Variants in NDST4 observed in about 807,000 individuals in gnomAD.
The protein encoded by NDST4 is N-heparan sulfate sulfotransferase 4.
NDST4 carries 63 observed loss-of-function variants against 100.8 expected under a neutral mutation model. That is an observed-to-expected ratio of 0.62 (90% CI 0.51 to 0.77). The LOEUF is 0.77. Among genes scored for constraint, NDST4 ranks in the 30% least tolerant of loss-of-function variants. The pLI is 0.00. For missense variants in NDST4, 943 were observed against 1,018.4 expected, an observed-to-expected ratio of 0.93 and a Z score of 1.01; for synonymous variants, 377 against 361.8, an observed-to-expected ratio of 1.04 and a Z score of -0.48.
chr4:114,973,344 T>G (rs6837725), intron 3 of NDST4, among the ~76,000 whole-genome samples: 1,666 of 151,726 alleles, frequency 0.011, 40 homozygotes, highest in African/African-American at 0.037. Context: ...ATTAGCACAT[T>G]TATTTTTCTG....
intron 4 of NDST4, among the ~76,000 whole-genome samples, chr4:114,958,708 C>T (rs1316274194): frequency 2.0e-5 from 3 of 152,094 alleles, no homozygotes; most frequent in Non-Finnish European, 4.4e-5. Context: ...GTACTGGAGA[C>T]GTTTTCCCCA....
chr4:115,071,135 T>TA (rs968781072), intron 2 of NDST4, among the ~76,000 whole-genome samples: 2 of 149,796 alleles, frequency 1.3e-5, no homozygotes, highest in African/African-American at 5.1e-5. Context: ...GAAAATAAAA[T>TA]AAAAAAATAA....
At chr4:114,837,620 C>A (rs1252515174) in intron 11 of NDST4, among the ~76,000 whole-genome samples, 3 of 152,078 alleles carry the variant, frequency 2.0e-5, no homozygotes, top group African/African-American at 4.8e-5. Context: ...AACTGGCTAG[C>A]CATATCCAGA....
intron 13 of NDST4, among the ~76,000 whole-genome samples, chr4:114,828,856 C>T (rs75765196): frequency 0.023 from 3,495 of 152,270 alleles, 99 homozygotes; most frequent in East Asian, 0.058. Context: ...ACTCCCTTAG[C>T]AACTTTTGTG....
intron 1 of NDST4, among the ~76,000 whole-genome samples, chr4:115,106,088 A>G (rs1446056228): frequency 6.6e-6 from 1 of 152,070 alleles, no homozygotes; most frequent in Non-Finnish European, 1.5e-5. Flanking sequence ...TTACATCATA[A>G]GGTAATAAGT....
At chr4:114,901,581 T>C (rs1054357725) in intron 6 of NDST4, among the ~76,000 whole-genome samples, 1 of 152,032 alleles carries the variant, frequency 6.6e-6, no homozygotes, top group African/African-American at 2.4e-5. Flanking sequence ...TTTTATCCAC[T>C]CTGACAATCT....
chr4:114,990,282 T>C (rs1054929086), intron 2 of NDST4, among the ~76,000 whole-genome samples: 5 of 152,140 alleles, frequency 3.3e-5, no homozygotes, highest in African/African-American at 1.2e-4. Flanking sequence ...CTAGCACTTT[T>C]ATTCCATTCA....
chr4:114,948,037 T>C (rs1367380788), intron 4 of NDST4, among the ~76,000 whole-genome samples: 3 of 152,126 alleles, frequency 2.0e-5, no homozygotes, highest in African/African-American at 7.2e-5. Flanking sequence ...TACAATTATA[T>C]ATAGCAGCTG....
intron 2 of NDST4, among the ~76,000 whole-genome samples, chr4:114,978,228 G>A (rs904836302): frequency 4.6e-5 from 7 of 151,912 alleles, no homozygotes; most frequent in Admixed American, 3.3e-4. Flanking sequence ...ACTGATTTTT[G>A]ATTACTCCTA....
intron 2 of NDST4, among the ~76,000 whole-genome samples, chr4:115,070,311 A>G (rs1441460260): frequency 2.0e-5 from 3 of 152,172 alleles, no homozygotes; most frequent in Non-Finnish European, 2.9e-5. Context: ...CTAATATGGA[A>G]ACAGAAAAGC....
intron 6 of NDST4, among the ~76,000 whole-genome samples, chr4:114,890,714 C>T (rs1297364340): frequency 6.6e-6 from 1 of 152,046 alleles, no homozygotes; most frequent in African/African-American, 2.4e-5. Context: ...CAAGGTTAAT[C>T]CTCTGTGTTC....
At chr4:114,948,213 A>T (rs542221602) in intron 4 of NDST4, among the ~76,000 whole-genome samples, 2 of 152,060 alleles carry the variant, frequency 1.3e-5, no homozygotes, top group Non-Finnish European at 2.9e-5. Flanking sequence ...TAACACATTT[A>T]TGGAAAAATG....
chr4:114,930,123 T>A (rs1235247635), intron 6 of NDST4, among the ~76,000 whole-genome samples: 1 of 152,224 alleles, frequency 6.6e-6, no homozygotes, highest in African/African-American at 2.4e-5. Context: ...TCTCAATTTT[T>A]AAAAATTATT....
intron 6 of NDST4, among the ~76,000 whole-genome samples, chr4:114,872,856 A>G (rs764984573): frequency 3.9e-5 from 6 of 151,968 alleles, no homozygotes; most frequent in Non-Finnish European, 8.8e-5. Context: ...ATTCTGACAT[A>G]TAATATAACT....
intron 2 of NDST4, among the ~76,000 whole-genome samples, chr4:115,065,969 C>A (rs942911994): frequency 1.3e-5 from 2 of 152,178 alleles, no homozygotes; most frequent in African/African-American, 4.8e-5. Flanking sequence ...TGCTACAGTT[C>A]TGTCCAGTGA....
chr4:114,865,208 G>A (rs534325055), intron 7 of NDST4, among the ~76,000 whole-genome samples: 4 of 152,124 alleles, frequency 2.6e-5, no homozygotes, highest in South Asian at 2.1e-4. Context: ...GGGACTGCAG[G>A]CACACACCAC....
chr4:115,006,452 G>A (rs1308966198), intron 2 of NDST4, among the ~76,000 whole-genome samples: 1 of 152,082 alleles, frequency 6.6e-6, no homozygotes, highest in Non-Finnish European at 1.5e-5. Flanking sequence ...AAAAGGGGTA[G>A]TAATAAATAT....
At chr4:114,953,626 T>G (rs1441169865) in intron 4 of NDST4, among the ~76,000 whole-genome samples, 1 of 152,182 alleles carries the variant, frequency 6.6e-6, no homozygotes, top group African/African-American at 2.4e-5. Context: ...GAATGCGATG[T>G]GATGCCTGGC....
intron 6 of NDST4, among the ~76,000 whole-genome samples, chr4:114,931,501 A>G (rs547435477): frequency 3.3e-5 from 5 of 151,908 alleles, no homozygotes; most frequent in Non-Finnish European, 5.9e-5. Context: ...GAAGAAAAAA[A>G]TAAGGAATGC....
Sources: allele counts gnomAD v4.1 joint callset (sites outside exome capture counted in the v4.1 genomes callset), GRCh38; gene constraint gnomAD v4.1.1; transcripts MANE v1.5; gene names NCBI Gene and HGNC (gene_info 2026-07-23, HGNC 2026-07-21).